Variants in ATOSA observed in about 807,000 individuals in gnomAD.
The protein encoded by ATOSA is atos homolog protein A.
the ATOSA span, among the ~76,000 whole-genome samples, chr15:52,604,190 G>A: frequency 2.0e-5 from 3 of 152,224 alleles, no homozygotes; most frequent in Non-Finnish European, 4.4e-5. Context: ...GGGAGGCGGA[G>A]GCGGGCGGAT....
At chr15:52,586,453 A>G in the ATOSA span, 1 of 152,254 alleles carries the variant, frequency 6.6e-6, no homozygotes, top group Admixed American at 6.5e-5. Flanking sequence ...GGGTATGAGG[A>G]GCAAGCCTTA....
At chr15:52,644,644 A>G in the ATOSA span, among the ~76,000 whole-genome samples, 6 of 152,194 alleles carry the variant, frequency 3.9e-5, no homozygotes, top group Non-Finnish European at 7.3e-5. Context: ...CCCTTCCCAG[A>G]TAACTATTAC....
the ATOSA span, among the ~76,000 whole-genome samples, chr15:52,683,510 G>C: frequency 2.0e-5 from 3 of 152,182 alleles, no homozygotes; most frequent in Non-Finnish European, 2.9e-5. Context: ...AACAGCTCTG[G>C]TTGATGTGTT....
At chr15:52,670,003 G>A in the ATOSA span, among the ~76,000 whole-genome samples, 1 of 152,158 alleles carries the variant, frequency 6.6e-6, no homozygotes, top group Non-Finnish European at 1.5e-5. Flanking sequence ...CCCTGATGCT[G>A]CTCTAAACTG....
chr15:52,609,604 G>A, the ATOSA span: 1 of 1,612,800 alleles, frequency 6.2e-7, no homozygotes, highest in Non-Finnish European at 8.5e-7. Flanking sequence ...GGTGTCTTCT[G>A]GGGAACTAAA....
chr15:52,623,353 GA>G, the ATOSA span, among the ~76,000 whole-genome samples: 1 of 152,006 alleles, frequency 6.6e-6, no homozygotes, highest in African/African-American at 2.4e-5. Context: ...AGAATAGGGG[GA>G]AAGAATGAAA....
the ATOSA span, among the ~76,000 whole-genome samples, chr15:52,639,810 G>A: frequency 6.6e-6 from 1 of 152,112 alleles, no homozygotes; most frequent in Non-Finnish European, 1.5e-5. Context: ...GAGTGCAATG[G>A]CACAATATCG....
chr15:52,684,164 G>A, the ATOSA span, among the ~76,000 whole-genome samples: 1 of 152,206 alleles, frequency 6.6e-6, no homozygotes, highest in Admixed American at 6.5e-5. Flanking sequence ...AGTAGCTATA[G>A]TCATCTGTGG....
the ATOSA span, among the ~76,000 whole-genome samples, chr15:52,667,861 A>C: frequency 6.6e-6 from 1 of 152,236 alleles, no homozygotes; most frequent in East Asian, 1.9e-4. Flanking sequence ...CAATGAGATA[A>C]AACCTTACTC....
the ATOSA span, among the ~76,000 whole-genome samples, chr15:52,588,268 T>C: frequency 5.9e-4 from 90 of 152,210 alleles, no homozygotes; most frequent in African/African-American, 2.1e-3. Context: ...CTATATGAAG[T>C]AGTTTTTCTC....
chr15:52,601,205 CTG>C, the ATOSA span: 40 of 1,261,336 alleles, frequency 3.2e-5, no homozygotes, highest in Non-Finnish European at 3.9e-5. Flanking sequence ...AAAAAAAAAA[CTG>C]TTAATTTTTT....
the ATOSA span, among the ~76,000 whole-genome samples, chr15:52,698,161 A>G: frequency 1.3e-5 from 2 of 151,184 alleles, no homozygotes; most frequent in African/African-American, 2.4e-5. Context: ...TTCTATTTTT[A>G]GTAGAGATGG....
chr15:52,702,165 G>A, the ATOSA span, among the ~76,000 whole-genome samples: 1 of 152,154 alleles, frequency 6.6e-6, no homozygotes, highest in Non-Finnish European at 1.5e-5. Context: ...CACACTGTTG[G>A]TGGGAATGCA....
chr15:52,652,272 C>T, the ATOSA span, among the ~76,000 whole-genome samples: 2 of 152,118 alleles, frequency 1.3e-5, no homozygotes, highest in Admixed American at 1.3e-4. Context: ...AGCGTTTGCC[C>T]CTGAAATGTG....
chr15:52,692,368 A>G, the ATOSA span, among the ~76,000 whole-genome samples: 34 of 152,248 alleles, frequency 2.2e-4, 2 homozygotes, highest in South Asian at 7.0e-3. Context: ...AAAAGAGGAA[A>G]ACTTTTGACA....
the ATOSA span, among the ~76,000 whole-genome samples, chr15:52,635,908 A>T: frequency 6.6e-6 from 1 of 151,596 alleles, no homozygotes; most frequent in Non-Finnish European, 1.5e-5. Flanking sequence ...AGGCAGGAGA[A>T]TTGCTTGAAC....
the ATOSA span, among the ~76,000 whole-genome samples, chr15:52,613,093 C>T: frequency 5.3e-5 from 8 of 152,142 alleles, no homozygotes; most frequent in Admixed American, 1.3e-4. Context: ...GCAGACGGGG[C>T]GTCCTGGCTC....
At chr15:52,635,147 G>A in the ATOSA span, among the ~76,000 whole-genome samples, 77 of 152,250 alleles carry the variant, frequency 5.1e-4, 1 homozygote, top group African/African-American at 1.3e-3. Flanking sequence ...CAAAATGTAC[G>A]AAGCAAAGAC....
At chr15:52,620,887 G>C in the ATOSA span, among the ~76,000 whole-genome samples, 2 of 151,958 alleles carry the variant, frequency 1.3e-5, no homozygotes, top group South Asian at 4.1e-4. Context: ...CGGTGAGCTG[G>C]GATTGTGACA....
Sources: allele counts gnomAD v4.1 joint callset (sites outside exome capture counted in the v4.1 genomes callset), GRCh38; gene constraint gnomAD v4.1.1; transcripts MANE v1.5; gene names NCBI Gene and HGNC (gene_info 2026-07-23, HGNC 2026-07-21).